Variants in PAPPA2 observed in about 807,000 individuals in gnomAD.
PAPPA2 encodes pappalysin 2, also known as pappalysin-2.
PAPPA2 carries 86 observed loss-of-function variants against 176.4 expected under a neutral mutation model. That is an observed-to-expected ratio of 0.49 (90% CI 0.41 to 0.58). The LOEUF is 0.58. Among genes scored for constraint, PAPPA2 ranks in the 20% least tolerant of loss-of-function variants. PAPPA2 has a pLI of 0.00. For missense variants in PAPPA2, 2,073 were observed against 2,256.9 expected, an observed-to-expected ratio of 0.92 and a Z score of 1.65; for synonymous variants, 809 against 852.2, an observed-to-expected ratio of 0.95 and a Z score of 0.88.
At chr1:176,634,982 G>T (rs1050751358) in intron 3 of PAPPA2, among the ~76,000 whole-genome samples, 6 of 151,024 alleles carry the variant, frequency 4.0e-5, no homozygotes, top group African/African-American at 1.5e-4. Context: ...TAGATAGATA[G>T]ATAGATAGAT....
intron 1 of PAPPA2, among the ~76,000 whole-genome samples, chr1:176,472,787 AC>A (rs1651942923): frequency 6.6e-6 from 1 of 152,176 alleles, no homozygotes. Context: ...CAATATGATT[AC>A]TAAGGGTTAC....
rs150600721 is a variant in PAPPA2 at position 176,617,647 on chromosome 1, C to CATATATAT, written c.1991+22063_1991+22070dup. On this transcript the variant is annotated intron_variant, in intron 3 of 22. Coordinates refer to ENST00000367662, the MANE Select transcript of PAPPA2 (RefSeq NM_020318.3). Reference sequence around the variant, plus strand: ...TATGGCTGAGTGGTATTCCATGGCGCATATATATATATATATATCACATTT... The same window carrying CATATATAT: ...TATGGCTGAGTGGTATTCCATGGCGCATATATATATATATATATATATATATCACATTT... Among the ~76,000 whole-genome samples, 626 of 147,890 alleles carry CATATATAT rather than the reference C, an allele frequency of 4.2e-3. 8 individuals are homozygous for CATATATAT. The highest frequency in any genetic ancestry group is 0.015 in the African/African-American group (601 of 40,420).
intron 12 of PAPPA2, among the ~76,000 whole-genome samples, chr1:176,735,126 T>G (rs1662336725): frequency 6.6e-6 from 1 of 152,074 alleles, no homozygotes; most frequent in African/African-American, 2.4e-5. Context: ...AATATATCCT[T>G]TATATCTTGA....
intron 14 of PAPPA2, among the ~76,000 whole-genome samples, chr1:176,762,632 A>G (rs536677419): frequency 6.6e-6 from 1 of 152,216 alleles, no homozygotes; most frequent in Non-Finnish European, 1.5e-5. Context: ...GGCATGTGGC[A>G]TCTAGAGAAC....
chr1:176,647,954 G>T (rs573054964), intron 3 of PAPPA2, among the ~76,000 whole-genome samples: 41 of 151,486 alleles, frequency 2.7e-4, no homozygotes, highest in African/African-American at 9.2e-4. Context: ...TAAATTTCAG[G>T]ATTCTTTTTC....
At chr1:176,679,327 C>T (rs1215117092) in intron 4 of PAPPA2, among the ~76,000 whole-genome samples, 4 of 151,982 alleles carry the variant, frequency 2.6e-5, no homozygotes, top group African/African-American at 7.3e-5. Context: ...TGACTAAACC[C>T]GTCTCCTAAG....
At chr1:176,687,378 T>C (rs1659886155) in intron 4 of PAPPA2, among the ~76,000 whole-genome samples, 1 of 152,168 alleles carries the variant, frequency 6.6e-6, no homozygotes, top group Non-Finnish European at 1.5e-5. Context: ...TGCTTCTTCT[T>C]CTAGTTATAA....
At chr1:176,698,545 C>T (rs1333921754) in intron 7 of PAPPA2, among the ~76,000 whole-genome samples, 1 of 152,054 alleles carries the variant, frequency 6.6e-6, no homozygotes, top group Non-Finnish European at 1.5e-5. Context: ...TATTTCCTGC[C>T]TGCAGTTACC....
intron 6 of PAPPA2, 121 bp from the exon 7 acceptor site, chr1:176,695,617 T>A: frequency 8.8e-7 from 1 of 1,138,132 alleles, no homozygotes. Flanking sequence ...TTAGTTACTC[T>A]CTAGGTCCTT....
chr1:176,655,322 G>A (rs1428321204), intron 3 of PAPPA2, among the ~76,000 whole-genome samples: 1 of 151,708 alleles, frequency 6.6e-6, no homozygotes, highest in Non-Finnish European at 1.5e-5. Flanking sequence ...CATCCATTGT[G>A]ATATCGAACA....
chr1:176,520,607 T>A lies in PAPPA2; in HGVS notation c.-916-34800T>A, dbSNP rs993442442. 2.0e-5 allele frequency among the ~76,000 whole-genome samples: 3 copies of A among 152,268 alleles called. No individual in the cohort carries two copies. In the South Asian group the frequency reaches 6.2e-4, roughly 32 times the overall value. On this transcript the variant is annotated intron_variant, in intron 1 of 22. Transcript: ENST00000367662. The stretch of plus-strand genomic sequence containing the variant: ...GATCTTTCTGATTAAGGTGAACTCA[T>A]GTTTTTTGGGTAAGCTAATGACATA...
At chr1:176,840,679 G>C (rs1035651069) in intron 22 of PAPPA2, among the ~76,000 whole-genome samples, 1 of 152,000 alleles carries the variant, frequency 6.6e-6, no homozygotes, top group African/African-American at 2.4e-5. Context: ...CAAGCATCTC[G>C]CAGGCACATG....
chr1:176,481,319 C>T (rs1652391804), intron 1 of PAPPA2, among the ~76,000 whole-genome samples: 1 of 150,018 alleles, frequency 6.7e-6, no homozygotes, highest in South Asian at 2.1e-4. Context: ...ACCTTTTTGG[C>T]AACAGGGCCA....
At chr1:176,791,160 G>A (rs1026981196) in intron 18 of PAPPA2, among the ~76,000 whole-genome samples, 187 bp from the exon 19 acceptor site, 1 of 131,080 alleles carries the variant, frequency 7.6e-6, no homozygotes, top group Non-Finnish European at 1.6e-5. Flanking sequence ...CCTCTGCTTG[G>A]AAAAAGCAAA....
At chr1:176,653,021 ACAC>A (rs1657824382) in intron 3 of PAPPA2, among the ~76,000 whole-genome samples, 2 of 151,698 alleles carry the variant, frequency 1.3e-5, no homozygotes, top group Admixed American at 1.3e-4. Flanking sequence ...GCTTGCTTCT[ACAC>A]CACCATTTTA....
At chr1:176,705,972 G>A (rs1206741496) in intron 9 of PAPPA2, among the ~76,000 whole-genome samples, 2 of 152,136 alleles carry the variant, frequency 1.3e-5, no homozygotes, top group African/African-American at 4.8e-5. Context: ...CAGACAGGCA[G>A]GCTTTCTTCT....
At chr1:176,711,638 A>G (rs1661149726) in intron 11 of PAPPA2, among the ~76,000 whole-genome samples, 197 bp from the exon 12 acceptor site, 1 of 152,086 alleles carries the variant, frequency 6.6e-6, no homozygotes, top group African/African-American at 2.4e-5. Context: ...TGTGTTTTCT[A>G]CCCTTGTAAG....
chr1:176,608,731 TTCCTGGGCGTTAGGAATAGGG>T (rs1332335132), intron 3 of PAPPA2, among the ~76,000 whole-genome samples: 1 of 152,160 alleles, frequency 6.6e-6, no homozygotes, highest in Non-Finnish European at 1.5e-5. Context: ...GTCAAACAAG[TTCCTGGGCGTTAGGAATAGGG>T]AGAGCCCTCA....
intron 2 of PAPPA2, among the ~76,000 whole-genome samples, chr1:176,588,002 C>T (rs868434777): frequency 2.0e-5 from 3 of 152,170 alleles, no homozygotes; most frequent in South Asian, 2.1e-4. Flanking sequence ...TACTTTGGGC[C>T]GTATGGCCAT....
Sources: allele counts gnomAD v4.1 joint callset (sites outside exome capture counted in the v4.1 genomes callset), GRCh38; gene constraint gnomAD v4.1.1; transcripts MANE v1.5; gene names NCBI Gene and HGNC (gene_info 2026-07-23, HGNC 2026-07-21).